The following FRMD4B variants were observed in gnomAD, a reference collection of about 807,000 sequenced individuals.
The protein encoded by FRMD4B is FERM domain-containing protein 4B.
In FRMD4B, 74 loss-of-function variants were observed where a neutral mutation model predicts 141.5. That is an observed-to-expected ratio of 0.52 (90% CI 0.43 to 0.63). The LOEUF (loss-of-function observed/expected upper bound fraction) is 0.63. Among genes scored for constraint, FRMD4B ranks in the 30% least tolerant of loss-of-function variants. The pLI is 0.00. For missense variants in FRMD4B, 1,366 were observed against 1,253.4 expected (o/e 1.09, Z -1.36); for synonymous variants, 506 against 467.9 (o/e 1.08, Z -1.05).
intron 22 of FRMD4B, among the ~76,000 whole-genome samples, chr3:69,173,317 GA>G (rs1396662713): frequency 2.0e-5 from 3 of 151,822 alleles, no homozygotes; most frequent in East Asian, 1.9e-4. Flanking sequence ...AATTGTACTA[GA>G]AAAAAAATTT....
intron 3 of FRMD4B, chr3:69,310,453 T>C (rs1701539071): frequency 4.4e-6 from 2 of 456,452 alleles, no homozygotes; most frequent in Non-Finnish European, 8.8e-6. Flanking sequence ...TTGGAAATTA[T>C]CTGCAGAAAG....
At chr3:69,200,934 C>A in intron 11 of FRMD4B, 1 of 448,184 alleles carries the variant, frequency 2.2e-6, no homozygotes, top group South Asian at 1.6e-5. Flanking sequence ...TGAAAGTCAC[C>A]ACCTCCCCCT....
chr3:69,181,696 G>T lies in FRMD4B; in HGVS notation c.2054C>A (p.Ser685Tyr). 6.2e-7 allele frequency: 1 copy of T among 1,610,804 alleles called. No homozygotes were observed. The highest frequency in any genetic ancestry group is 1.1e-5 in the South Asian group (1 of 90,894). The change falls in exon 21 of 23, where the codon TCT becomes TAT. Residue 685 changes from serine (S) to tyrosine (Y), a missense_variant. Coordinates refer to ENST00000398540, the MANE Select transcript of FRMD4B (RefSeq NM_015123.3). Reference sequence around the variant, plus strand: ...TCCACTCCGCTGGCGGCAGTGCTGAGATGAAGATTCGGGTCTGAAAGAGGA... The same window carrying T: ...TCCACTCCGCTGGCGGCAGTGCTGATATGAAGATTCGGGTCTGAAAGAGGA... ...SSSHLEPESS[S>Y]QHCRQRSGSL... is the part of the protein sequence containing the mutation.
chr3:69,416,115 C>A (rs1201917920), intron 2 of FRMD4B, among the ~76,000 whole-genome samples: 1 of 152,150 alleles, frequency 6.6e-6, no homozygotes. Flanking sequence ...TTTGGGCCTG[C>A]CCTTAATAAC....
At chr3:69,252,513 C>T (rs2093469501) in intron 5 of FRMD4B, among the ~76,000 whole-genome samples, 1 of 152,214 alleles carries the variant, frequency 6.6e-6, no homozygotes, top group Admixed American at 6.5e-5. Flanking sequence ...TTCCATTGAA[C>T]AATCACTGTT....
intron 1 of FRMD4B, 32 bp from the exon 2 acceptor site, chr3:69,313,549 G>C (rs1449145135): frequency 4.3e-6 from 6 of 1,395,924 alleles, no homozygotes; most frequent in Non-Finnish European, 6.0e-6. Flanking sequence ...AGTGGTGTCA[G>C]GGCCACGGCT....
intron 1 of FRMD4B, among the ~76,000 whole-genome samples, chr3:69,362,154 T>C (rs1468307662): frequency 4.6e-5 from 7 of 152,238 alleles, no homozygotes; most frequent in African/African-American, 1.4e-4. Flanking sequence ...TAGTACTTCA[T>C]ATGTGCCATA....
chr3:69,535,889 C>G (rs1701077014), intron 1 of FRMD4B: 2 of 426,254 alleles, frequency 4.7e-6, no homozygotes, highest in Non-Finnish European at 9.4e-6. Flanking sequence ...CAATGCCATT[C>G]TTGACCTTGC....
intron 2 of FRMD4B, among the ~76,000 whole-genome samples, chr3:69,426,344 A>ATG (rs1705078147): frequency 6.9e-6 from 1 of 145,420 alleles, no homozygotes; most frequent in South Asian, 2.2e-4. Flanking sequence ...GTGTGTGTGC[A>ATG]TGTGTGTGTG....
intron 1 of FRMD4B, among the ~76,000 whole-genome samples, chr3:69,538,360 G>A (rs920300445): frequency 5.9e-5 from 9 of 152,020 alleles, no homozygotes; most frequent in South Asian, 2.1e-4. Context: ...ACTTAAAATC[G>A]GGTTTGTAAC....
chr3:69,347,045 TAA>T (rs1446971238), intron 1 of FRMD4B, among the ~76,000 whole-genome samples: 1 of 152,150 alleles, frequency 6.6e-6, no homozygotes, highest in East Asian at 1.9e-4. Flanking sequence ...GCAAATTGGA[TAA>T]AGAGTCAAGA....
chr3:69,536,733 C>T (rs1701093574), intron 1 of FRMD4B: 2 of 617,100 alleles, frequency 3.2e-6, no homozygotes, highest in Non-Finnish European at 5.9e-6. Flanking sequence ...TAAGGACTTC[C>T]TCAGTTTAAT....
intron 5 of FRMD4B, among the ~76,000 whole-genome samples, chr3:69,268,618 A>G (rs997378000): frequency 6.6e-6 from 1 of 152,036 alleles, no homozygotes; most frequent in Non-Finnish European, 1.5e-5. Flanking sequence ...AAAAAATGCA[A>G]GGTGCTTAAA....
At chr3:69,363,105 T>A (rs77804831) in intron 1 of FRMD4B, among the ~76,000 whole-genome samples, 1 of 152,066 alleles carries the variant, frequency 6.6e-6, no homozygotes, top group South Asian at 2.1e-4. Flanking sequence ...AGATTAGCAA[T>A]ATCGTAAAAG....
chr3:69,200,244 C>T (rs1334368955), intron 11 of FRMD4B: 1 of 182,808 alleles, frequency 5.5e-6, no homozygotes, highest in Non-Finnish European at 1.0e-5. Flanking sequence ...CCCCCCAATT[C>T]CGAACAGTGA....
intron 21 of FRMD4B, among the ~76,000 whole-genome samples, chr3:69,177,508 G>C (rs1029101505): frequency 2.0e-5 from 3 of 151,966 alleles, no homozygotes; most frequent in Non-Finnish European, 4.4e-5. Context: ...AAATTAGCCT[G>C]GCATGGTGGT....
At chr3:69,382,701 T>C (rs1055239019) in intron 1 of FRMD4B, among the ~76,000 whole-genome samples, 5 of 151,026 alleles carry the variant, frequency 3.3e-5, no homozygotes, top group Admixed American at 6.6e-5. Flanking sequence ...AGACCCTAAA[T>C]TGGAGTTCCA....
intron 19 of FRMD4B, among the ~76,000 whole-genome samples, chr3:69,186,628 C>A (rs1023853951): frequency 6.6e-6 from 1 of 152,190 alleles, no homozygotes; most frequent in East Asian, 1.9e-4. Flanking sequence ...GGGAGAATTG[C>A]CTGAAGCCAA....
chr3:69,193,534 G>T, intron 17 of FRMD4B, 114 bp downstream of exon 17: 1 of 640,582 alleles, frequency 1.6e-6, no homozygotes, highest in South Asian at 2.0e-5. Context: ...ACTTAGTTTT[G>T]ATCACCTGGT....
Sources: allele counts gnomAD v4.1 joint callset (sites outside exome capture counted in the v4.1 genomes callset), GRCh38; gene constraint gnomAD v4.1.1; transcripts MANE v1.5; gene names NCBI Gene and HGNC (gene_info 2026-07-23, HGNC 2026-07-21).